Variants in CSGALNACT1 observed in about 807,000 individuals in gnomAD.
The protein encoded by CSGALNACT1 is chondroitin sulfate N-acetylgalactosaminyltransferase 1.
Under a neutral mutation model 51.0 loss-of-function variants are expected in CSGALNACT1, and 52 were observed. The ratio of observed to expected loss-of-function variants is 1.02; its 90% confidence interval spans 0.82 to 1.29. The LOEUF is 1.29. Ranked by LOEUF, CSGALNACT1 falls within the 50% of genes most tolerant of loss-of-function variation. CSGALNACT1 has a pLI of 0.00. For synonymous variants in CSGALNACT1, 341 were observed against 254.4 expected (o/e 1.34, Z -3.24); for missense variants, 935 against 679.2 (o/e 1.38, Z -4.19).
chr8:19,404,922 C>T (rs1355054986), exon 10 of CSGALNACT1: 3 of 454,108 alleles, frequency 6.6e-6, no homozygotes, highest in Non-Finnish European at 8.8e-6. Flanking sequence ...TAGTACAAAC[C>T]ATTCCTTCCC....
chr8:19,682,342 G>C (rs2060681643), intron 1 of CSGALNACT1: 1 of 298,226 alleles, frequency 3.4e-6, no homozygotes, highest in Non-Finnish European at 6.7e-6. Context: ...TTGCTAATGA[G>C]TTGGCAAGCT....
At position 19,588,410 on chromosome 8, in the gene CSGALNACT1, C is replaced by G. The variant is rs944130039; in HGVS notation, c.-297+2750G>C. ...TTTTTCTGTAGAGTATTATTTGATTCCAAGTAACTTGTGAAGTAAGTTCAT... is the reference window on the plus strand; with the variant it reads ...TTTTTCTGTAGAGTATTATTTGATTGCAAGTAACTTGTGAAGTAAGTTCAT... On this transcript the variant is annotated intron_variant, in intron 3 of 9. Coordinates refer to ENST00000454498, the Ensembl canonical transcript of CSGALNACT1. Among the ~76,000 whole-genome samples, 247 of 152,180 alleles carry G rather than the reference C, an allele frequency of 1.6e-3. 1 individual carries two copies. The highest frequency in any genetic ancestry group is 3.1e-4 in the Non-Finnish European group (21 of 67,998).
chr8:19,606,652 C>T (rs1219831731), upstream of CSGALNACT1, among the ~76,000 whole-genome samples: 1 of 152,190 alleles, frequency 6.6e-6, no homozygotes, highest in Non-Finnish European at 1.5e-5. Context: ...TCAACGGAAA[C>T]ATATCTATTT....
At chr8:19,450,090 G>A (rs1429710498) in intron 5 of CSGALNACT1, among the ~76,000 whole-genome samples, 3 of 116,222 alleles carry the variant, frequency 2.6e-5, no homozygotes, top group Non-Finnish European at 3.7e-5. Flanking sequence ...AGGGGGAGGA[G>A]GAGGGGGAGG....
intron 3 of CSGALNACT1, among the ~76,000 whole-genome samples, chr8:19,519,794 G>T (rs1362712759): frequency 1.3e-5 from 2 of 152,186 alleles, no homozygotes; most frequent in East Asian, 1.9e-4. Flanking sequence ...TCTCCCAGGG[G>T]TGGCATTCTG....
At chr8:19,627,735 G>A (rs1400433440) in intron 1 of CSGALNACT1, among the ~76,000 whole-genome samples, 1 of 152,198 alleles carries the variant, frequency 6.6e-6, no homozygotes, top group Non-Finnish European at 1.5e-5. Flanking sequence ...TCAGGTGGGA[G>A]GATCACTTGA....
intron 3 of CSGALNACT1, among the ~76,000 whole-genome samples, chr8:19,552,622 T>C (rs2088459350): frequency 6.6e-6 from 1 of 152,232 alleles, no homozygotes; most frequent in African/African-American, 2.4e-5. Flanking sequence ...GATGGACTTT[T>C]TATACATTAA....
chr8:19,585,604 A>G lies in CSGALNACT1; in HGVS notation c.-297+5556T>C, dbSNP rs546827532. On this transcript the variant is annotated intron_variant, in intron 3 of 9. Transcript: ENST00000454498. ...ACACCCCTTTACTATCTCCCTATTA[A>G]TTCCCTGATTGGTAATTGTAAAAAC... Among the ~76,000 whole-genome samples the G allele has an allele frequency of 4.6e-5, 7 of 152,164 alleles. No individual in the cohort carries two copies. In the South Asian group the frequency reaches 1.5e-3, roughly 32 times the overall value.
intron 3 of CSGALNACT1, among the ~76,000 whole-genome samples, chr8:19,509,372 C>T (rs2078008951): frequency 6.6e-6 from 1 of 152,080 alleles, no homozygotes; most frequent in South Asian, 2.1e-4. Context: ...GTAATCCCAG[C>T]ACTTTGGGAG....
intron 1 of CSGALNACT1, among the ~76,000 whole-genome samples, chr8:19,649,254 C>A (rs1486551801): frequency 6.6e-6 from 1 of 152,110 alleles, no homozygotes; most frequent in Non-Finnish European, 1.5e-5. Flanking sequence ...GGTATGACTA[C>A]AAAGAACCTC....
intron 3 of CSGALNACT1, among the ~76,000 whole-genome samples, chr8:19,555,291 T>G (rs972385205): frequency 1.3e-5 from 2 of 150,496 alleles, no homozygotes; most frequent in African/African-American, 4.9e-5. Flanking sequence ...GTTATAGGAG[T>G]TAAAAGCAGC....
intron 4 of CSGALNACT1, among the ~76,000 whole-genome samples, chr8:19,501,554 G>C (rs751554415): frequency 6.6e-6 from 1 of 152,186 alleles, no homozygotes; most frequent in African/African-American, 2.4e-5. Context: ...ACCCTGCAGA[G>C]GCTGGAGGAG....
At chr8:19,649,335 G>C (rs972282172) in intron 1 of CSGALNACT1, among the ~76,000 whole-genome samples, 1 of 152,080 alleles carries the variant, frequency 6.6e-6, no homozygotes, top group African/African-American at 2.4e-5. Flanking sequence ...GGAAGGGACT[G>C]CTTGGCTAAA....
intron 3 of CSGALNACT1, among the ~76,000 whole-genome samples, chr8:19,588,931 A>T (rs1033447632): frequency 3.3e-5 from 5 of 152,078 alleles, no homozygotes; most frequent in Admixed American, 1.3e-4. Context: ...ATAGTAGTTG[A>T]GGGGTGTTTG....
At chr8:19,456,275 T>C (rs184486142) in intron 5 of CSGALNACT1, among the ~76,000 whole-genome samples, 52 of 152,310 alleles carry the variant, frequency 3.4e-4, no homozygotes, top group African/African-American at 1.2e-3. Context: ...CAGTGAGGAC[T>C]TGTCCTTTCA....
At chr8:19,559,820 A>G (rs150360735) in intron 3 of CSGALNACT1, among the ~76,000 whole-genome samples, 44 of 152,354 alleles carry the variant, frequency 2.9e-4, no homozygotes, top group African/African-American at 9.6e-4. Flanking sequence ...GTTCTCTCCA[A>G]ATGAACTTAT....
chr8:19,637,187 TAG>T (rs1226347799), intron 1 of CSGALNACT1, among the ~76,000 whole-genome samples: 4 of 152,124 alleles, frequency 2.6e-5, no homozygotes, highest in Admixed American at 6.6e-5. Flanking sequence ...GCCTGGGCGA[TAG>T]AGACTCCATC....
At chr8:19,437,159 G>A (rs1038249086) in intron 6 of CSGALNACT1, among the ~76,000 whole-genome samples, 1 of 152,112 alleles carries the variant, frequency 6.6e-6, no homozygotes, top group African/African-American at 2.4e-5. Flanking sequence ...CAGAAAGTGA[G>A]TATAGTTGGA....
chr8:19,546,408 T>C (rs2086477837), intron 3 of CSGALNACT1, among the ~76,000 whole-genome samples: 1 of 152,158 alleles, frequency 6.6e-6, no homozygotes, highest in South Asian at 2.1e-4. Context: ...AATTAACCTC[T>C]CTGGAATATT....
Sources: gnomAD v4.1 joint callset for allele counts (sites outside exome capture counted in the v4.1 genomes callset) on GRCh38, gnomAD v4.1.1 for gene constraint, MANE v1.5 for transcripts, NCBI Gene and HGNC (gene_info 2026-07-23, HGNC 2026-07-21) for gene names.